Variants in BCKDHB observed in about 807,000 individuals in gnomAD.
BCKDHB encodes branched chain keto acid dehydrogenase E1 subunit beta, also known as 2-oxoisovalerate dehydrogenase subunit beta, mitochondrial.
In BCKDHB, 41 loss-of-function variants were observed where a neutral mutation model predicts 48.5. That is an observed-to-expected ratio of 0.85 (90% CI 0.66 to 1.10). The LOEUF is 1.10. Among genes scored for constraint, BCKDHB ranks in the 50% least tolerant of loss-of-function variants. The pLI is 0.00. For missense variants in BCKDHB, 496 were observed against 494.2 expected (o/e 1.00, Z -0.03); for synonymous variants, 201 against 174.8 (o/e 1.15, Z -1.18).
At chr6:80,155,917 G>A (rs567727610) in intron 3 of BCKDHB, among the ~76,000 whole-genome samples, 22 of 149,398 alleles carry the variant, frequency 1.5e-4, no homozygotes, top group African/African-American at 4.9e-4. Flanking sequence ...GGTGGGATGC[G>A]TGAGAGATTT....
At chr6:80,108,235 G>A (rs73477975) in intron 1 of BCKDHB, among the ~76,000 whole-genome samples, 10,903 of 151,310 alleles carry the variant, frequency 0.072, 589 homozygotes, top group South Asian at 0.24. Flanking sequence ...ACTAAGATGC[G>A]TGTAGATATA....
At chr6:80,161,134 A>T (rs1400552772) in intron 3 of BCKDHB, among the ~76,000 whole-genome samples, 1 of 152,164 alleles carries the variant, frequency 6.6e-6, no homozygotes, top group Non-Finnish European at 1.5e-5. Flanking sequence ...ACTTTGATTG[A>T]TATAGATTCC....
chr6:80,346,815 G>A (rs184976758), downstream of BCKDHB, among the ~76,000 whole-genome samples: 23 of 152,068 alleles, frequency 1.5e-4, no homozygotes, highest in Admixed American at 3.3e-4. Context: ...CCACATTTTA[G>A]ACAAGCCTTA....
intron 8 of BCKDHB, among the ~76,000 whole-genome samples, chr6:80,237,121 G>T (rs1034566201): frequency 2.0e-5 from 3 of 152,130 alleles, no homozygotes. Context: ...AGAGAGTTTG[G>T]CTTTGTTCTT....
At chr6:80,192,125 TTAAG>T (rs1236294691) in intron 6 of BCKDHB, among the ~76,000 whole-genome samples, 5 of 152,216 alleles carry the variant, frequency 3.3e-5, no homozygotes, top group Non-Finnish European at 5.9e-5. Context: ...CCATATCTAA[TTAAG>T]TCTTTTTTCT....
chr6:80,146,300 T>C (rs907036899), intron 3 of BCKDHB, among the ~76,000 whole-genome samples: 11 of 152,128 alleles, frequency 7.2e-5, no homozygotes, highest in Non-Finnish European at 1.3e-4. Context: ...AATAACAGTG[T>C]AAGAATGAAA....
intron 3 of BCKDHB, among the ~76,000 whole-genome samples, chr6:80,150,140 C>T (rs894250258): frequency 6.6e-6 from 1 of 152,104 alleles, no homozygotes; most frequent in East Asian, 1.9e-4. Flanking sequence ...TGCTCTGTCC[C>T]TCAGAAGGCC....
chr6:80,268,431 G>A (rs1365459788), intron 8 of BCKDHB, among the ~76,000 whole-genome samples: 3 of 151,896 alleles, frequency 2.0e-5, no homozygotes, highest in African/African-American at 7.3e-5. Context: ...CAGCTTTGGT[G>A]TTTCTTTTGC....
chr6:80,366,178 G>A, the BCKDHB span, among the ~76,000 whole-genome samples: 1 of 152,308 alleles, frequency 6.6e-6, no homozygotes, highest in Non-Finnish European at 1.5e-5. Flanking sequence ...TGCTAATGAA[G>A]CAGAAGTTGT....
chr6:80,106,949 G>T, intron 1 of BCKDHB, 60 bp downstream of exon 1: 2 of 1,552,534 alleles, frequency 1.3e-6, no homozygotes, highest in Non-Finnish European at 1.7e-6. Flanking sequence ...GCTCGCAGGC[G>T]CCCGCGAGGG....
At chr6:80,242,463 G>A (rs974130886) in intron 8 of BCKDHB, among the ~76,000 whole-genome samples, 5 of 152,074 alleles carry the variant, frequency 3.3e-5, no homozygotes, top group African/African-American at 1.2e-4. Context: ...GTTATTTTTG[G>A]TGGGGTGGGA....
At chr6:80,162,620 G>A (rs962177173) in intron 3 of BCKDHB, among the ~76,000 whole-genome samples, 1 of 152,194 alleles carries the variant, frequency 6.6e-6, no homozygotes, top group Non-Finnish European at 1.5e-5. Context: ...GGAGGCTGGG[G>A]CGGGTGGATC....
At chr6:80,210,135 C>CAAAAA (rs61476553) in intron 8 of BCKDHB, among the ~76,000 whole-genome samples, 1 of 113,010 alleles carries the variant, frequency 8.8e-6, no homozygotes, top group Admixed American at 8.9e-5. Flanking sequence ...AAGAAATATA[C>CAAAAA]AAAAAAAAAA....
At chr6:80,291,659 T>A (rs1041122087) in intron 9 of BCKDHB, among the ~76,000 whole-genome samples, 11 of 152,064 alleles carry the variant, frequency 7.2e-5, no homozygotes, top group Admixed American at 6.6e-4. Context: ...TCCCTTTTGT[T>A]TTTTTTTCTG....
chr6:80,214,434 A>G (rs1281977764), intron 8 of BCKDHB, among the ~76,000 whole-genome samples: 1 of 152,218 alleles, frequency 6.6e-6, no homozygotes, highest in African/African-American at 2.4e-5. Context: ...TACATTTTAA[A>G]AATTGGTTAC....
intron 1 of BCKDHB, among the ~76,000 whole-genome samples, chr6:80,112,981 G>C (rs1365102146): frequency 2.6e-5 from 4 of 152,190 alleles, no homozygotes; most frequent in Non-Finnish European, 5.9e-5. Context: ...GAACTTTAAT[G>C]ATAGGAACCG....
chr6:80,436,855 A>C, the BCKDHB span, among the ~76,000 whole-genome samples: 2 of 152,208 alleles, frequency 1.3e-5, no homozygotes, highest in Non-Finnish European at 2.9e-5. Context: ...TTTCCTTTTA[A>C]GTACTGGTAC....
chr6:80,115,616 C>T (rs187397721), intron 1 of BCKDHB, among the ~76,000 whole-genome samples: 30 of 151,650 alleles, frequency 2.0e-4, no homozygotes, highest in South Asian at 1.7e-3. Flanking sequence ...TTGTGTGTTA[C>T]GCACTGCGAT....
chr6:80,384,648 T>A, the BCKDHB span, among the ~76,000 whole-genome samples: 1 of 152,150 alleles, frequency 6.6e-6, no homozygotes, highest in Admixed American at 6.6e-5. Context: ...TGAGCCGCCG[T>A]GCCTGGCCCA....
Sources: gnomAD v4.1 joint callset for allele counts (sites outside exome capture counted in the v4.1 genomes callset) on GRCh38, gnomAD v4.1.1 for gene constraint, MANE v1.5 for transcripts, NCBI Gene and HGNC (gene_info 2026-07-23, HGNC 2026-07-21) for gene names.